Variants in DEPTOR observed in about 807,000 individuals in gnomAD.
DEPTOR encodes the protein DEP domain containing MTOR interacting protein.
DEPTOR carries 41 observed loss-of-function variants against 41.6 expected under a neutral mutation model. That is an observed-to-expected ratio of 0.98 (90% CI 0.77 to 1.28). DEPTOR has a LOEUF of 1.28. Ranked by LOEUF, DEPTOR falls within the 50% of genes most tolerant of loss-of-function variation. The pLI is 0.00. For missense variants in DEPTOR, 514 were observed against 527.9 expected, an observed-to-expected ratio of 0.97 and a Z score of 0.26; for synonymous variants, 195 against 192.3, an observed-to-expected ratio of 1.01 and a Z score of -0.12.
chr8:120,033,955 T>C (rs569073132), intron 8 of DEPTOR, among the ~76,000 whole-genome samples: 1 of 152,042 alleles, frequency 6.6e-6, no homozygotes, highest in Non-Finnish European at 1.5e-5. Context: ...TAATCCCAGC[T>C]CCACCGGGGG....
chr8:119,950,520 A>G (rs1176264756), intron 3 of DEPTOR, among the ~76,000 whole-genome samples: 1 of 152,098 alleles, frequency 6.6e-6, no homozygotes, highest in East Asian at 1.9e-4. Flanking sequence ...GGTTCAAGCA[A>G]TTCTCTTGCC....
intron 1 of DEPTOR, among the ~76,000 whole-genome samples, chr8:119,911,334 T>TC (rs1563963435): frequency 7.6e-6 from 1 of 131,062 alleles, no homozygotes; most frequent in Non-Finnish European, 1.6e-5. Context: ...TTTTTTTTTT[T>TC]TGAGACGGAG....
At chr8:119,908,412 G>A (rs1001387321) in intron 1 of DEPTOR, among the ~76,000 whole-genome samples, 30 of 152,116 alleles carry the variant, frequency 2.0e-4, no homozygotes, top group Admixed American at 1.1e-3. Context: ...AACATAGTGA[G>A]ACCCTGGTAG....
chr8:119,971,914 C>T (rs2129990427), intron 4 of DEPTOR, among the ~76,000 whole-genome samples: 1 of 152,288 alleles, frequency 6.6e-6, no homozygotes, highest in East Asian at 1.9e-4. Flanking sequence ...CCATAAATCA[C>T]ACTGTTTGTA....
chr8:120,019,576 T>G (rs1364757089), intron 8 of DEPTOR, among the ~76,000 whole-genome samples: 3 of 152,146 alleles, frequency 2.0e-5, no homozygotes, highest in African/African-American at 7.2e-5. Flanking sequence ...ATTGTCTCCT[T>G]TCTCTGGGCT....
chr8:119,911,598 C>T (rs1827744407), intron 1 of DEPTOR, among the ~76,000 whole-genome samples: 1 of 152,138 alleles, frequency 6.6e-6, no homozygotes, highest in Non-Finnish European at 1.5e-5. Context: ...GATTACAGGC[C>T]TGAGCCACCG....
chr8:119,905,632 CTTTTT>C (rs35630187), intron 1 of DEPTOR, among the ~76,000 whole-genome samples: 5 of 136,484 alleles, frequency 3.7e-5, no homozygotes, highest in Admixed American at 7.3e-5. Flanking sequence ...TTTATATGGG[CTTTTT>C]TTTTTTTTTT....
intron 1 of DEPTOR, among the ~76,000 whole-genome samples, chr8:119,914,222 A>G (rs1465219838): frequency 6.6e-6 from 1 of 150,902 alleles, no homozygotes; most frequent in Non-Finnish European, 1.5e-5. Flanking sequence ...TTGTATTTTT[A>G]GTAGAGACGG....
chr8:119,947,758 A>C (rs1828301382), intron 3 of DEPTOR, among the ~76,000 whole-genome samples: 2 of 152,210 alleles, frequency 1.3e-5, no homozygotes, highest in Admixed American at 1.3e-4. Context: ...GGATAATCAC[A>C]GTACAAAAGG....
chr8:120,029,760 A>G (rs1812857620), intron 8 of DEPTOR, among the ~76,000 whole-genome samples: 1 of 152,032 alleles, frequency 6.6e-6, no homozygotes, highest in Non-Finnish European at 1.5e-5. Context: ...ACCCCTCTCC[A>G]TAATACCTAG....
At chr8:120,034,261 A>G (rs1340420813) in intron 8 of DEPTOR, among the ~76,000 whole-genome samples, 3 of 99,478 alleles carry the variant, frequency 3.0e-5, no homozygotes. Flanking sequence ...TCTGCAAAGC[A>G]TGTACACACA....
At chr8:119,922,785 A>G (rs1484800572) in intron 1 of DEPTOR, among the ~76,000 whole-genome samples, 2 of 152,228 alleles carry the variant, frequency 1.3e-5, no homozygotes, top group Non-Finnish European at 2.9e-5. Context: ...GGTGAGAACC[A>G]AGTCTTTGTA....
intron 8 of DEPTOR, among the ~76,000 whole-genome samples, chr8:120,009,865 C>A (rs1392718158): frequency 6.6e-6 from 1 of 152,066 alleles, no homozygotes; most frequent in African/African-American, 2.4e-5. Context: ...CTCCAAACCT[C>A]CCCTGGTGTT....
intron 6 of DEPTOR, among the ~76,000 whole-genome samples, chr8:120,004,715 C>G (rs1812406689): frequency 6.6e-6 from 1 of 152,034 alleles, no homozygotes; most frequent in South Asian, 2.1e-4. Flanking sequence ...TCGTGGGTCC[C>G]CAAGGACAAG....
intron 8 of DEPTOR, among the ~76,000 whole-genome samples, chr8:120,041,790 G>C (rs1395026128): frequency 1.3e-5 from 2 of 152,042 alleles, no homozygotes; most frequent in Non-Finnish European, 2.9e-5. Flanking sequence ...CACCCACCTC[G>C]CCTCCCAAAG....
intron 1 of DEPTOR, among the ~76,000 whole-genome samples, chr8:119,885,634 A>G (rs1383870799): frequency 6.6e-6 from 1 of 152,262 alleles, no homozygotes; most frequent in Non-Finnish European, 1.5e-5. Context: ...GCCAGAAGCC[A>G]TCACATAATA....
Position 120,037,640 on chromosome 8 carries a change from G to A in DEPTOR, c.1102-11936G>A, listed in dbSNP as rs184165475. Among the ~76,000 whole-genome samples, 14 of 152,210 alleles carry A rather than the reference G, an allele frequency of 9.2e-5. No individual in the cohort carries two copies. In the East Asian group the frequency reaches 9.6e-4, roughly 10 times the overall value. ...ACACTAATCTTCACCTTATTATTAC[G>A]TCCTAATGTCACTCTAGCAGAAGAA... On this transcript the variant is annotated intron_variant, in intron 8 of 8. Transcript: ENST00000286234.
chr8:120,022,413 C>T (rs918338323), intron 8 of DEPTOR, among the ~76,000 whole-genome samples: 1 of 152,094 alleles, frequency 6.6e-6, no homozygotes, highest in Non-Finnish European at 1.5e-5. Context: ...TTTTTTTAAA[C>T]ATCTTGGTAC....
chr8:119,886,611 G>A (rs1314869381), intron 1 of DEPTOR, among the ~76,000 whole-genome samples: 1 of 151,996 alleles, frequency 6.6e-6, no homozygotes, highest in East Asian at 1.9e-4. Flanking sequence ...GAAAAACTGC[G>A]CTGGTTAATA....
Sources: allele counts gnomAD v4.1 joint callset (sites outside exome capture counted in the v4.1 genomes callset), GRCh38; gene constraint gnomAD v4.1.1; transcripts MANE v1.5; gene names NCBI Gene and HGNC (gene_info 2026-07-23, HGNC 2026-07-21).